The following MRPL50 variants were observed in gnomAD, a reference collection of about 807,000 sequenced individuals.
MRPL50 encodes the protein mitochondrial ribosomal protein L50, also known as large ribosomal subunit protein mL50.
Under a neutral mutation model 16.2 loss-of-function variants are expected in MRPL50, and 10 were observed. The ratio of observed to expected loss-of-function variants is 0.62; its 90% confidence interval spans 0.38 to 1.05. The LOEUF (loss-of-function observed/expected upper bound fraction) is 1.05, where lower values mean the gene tolerates loss of function less well. Ranked by LOEUF, MRPL50 falls within the 50% of genes least tolerant of loss-of-function variation. The probability of loss-of-function intolerance (pLI) is 0.01; values close to 1 mark genes in which losing one functional copy is unlikely to be tolerated. For synonymous variants in MRPL50, 68 were observed against 66.8 expected, an observed-to-expected ratio of 1.02 and a Z score of -0.09; for missense variants, 213 against 187.1, an observed-to-expected ratio of 1.14 and a Z score of -0.81.
chr9:101,393,005 C>T (rs1490359951), intron 1 of MRPL50, among the ~76,000 whole-genome samples: 1 of 152,128 alleles, frequency 6.6e-6, no homozygotes, highest in African/African-American at 2.4e-5. Flanking sequence ...TGATCATTCA[C>T]CATGATCAAG....
intron 1 of MRPL50, among the ~76,000 whole-genome samples, chr9:101,396,682 G>A (rs1211995074): frequency 2.6e-5 from 4 of 152,086 alleles, no homozygotes; most frequent in Non-Finnish European, 2.9e-5. Context: ...AGTGGCTCAC[G>A]CCTGTAATCC....
In MRPL50 at chr9:101,390,197, C is replaced by A; in HGVS notation, c.*269G>T. ...CTTGCAATGTCCTCCTGTCTTAAAC[C>A]CAAGTTGACAGTGCCCTCTCAAAAC... On this transcript the variant is annotated 3_prime_UTR_variant, in exon 2 of 2. Coordinates refer to ENST00000374865, the MANE Select transcript of MRPL50 (RefSeq NM_019051.3). 1.7e-6 allele frequency: 2 copies of A among 1,154,148 alleles called. No individual in the cohort carries two copies. The highest frequency in any genetic ancestry group is 5.0e-5 in the East Asian group (1 of 20,180). The allele number at this position is 1,154,148 out of a possible 1,614,324, so 71.5% of individuals were successfully genotyped here. A position where few individuals can be genotyped will look rare whatever the true frequency, so the allele number is the denominator to read the frequency against.
chr9:101,390,116 C>T lies in MRPL50; in HGVS notation c.*350G>A, dbSNP rs1830249937. On this transcript the variant is annotated 3_prime_UTR_variant, in exon 2 of 2. Transcript: ENST00000374865. ...GCATAACTCTATCTTAGATATGAAT[C>T]CTAACAGGATGAAAATACTTTCTTG... The T allele has an allele frequency of 9.8e-7, 1 of 1,024,680 alleles. No homozygotes were observed. Among genetic ancestry groups the T allele is most frequent in the Non-Finnish European group, 1.2e-6 (1 of 854,768 alleles). 63.5% of individuals were successfully genotyped at this position (1,024,680 alleles called of 1,614,324 possible). A position where few individuals can be genotyped will look rare whatever the true frequency, so the allele number is the denominator to read the frequency against.
chr9:101,389,871 C>T lies in MRPL50; in HGVS notation c.*595G>A. On this transcript the variant is annotated 3_prime_UTR_variant, in exon 2 of 2. Coordinates refer to ENST00000374865, the MANE Select transcript of MRPL50 (RefSeq NM_019051.3). Reference sequence around the variant, plus strand: ...AAGAGTCACAGCACTCAATATTTGGCATATATTCTAATTTTTTCAAAATTA... The same window carrying T: ...AAGAGTCACAGCACTCAATATTTGGTATATATTCTAATTTTTTCAAAATTA... 2 of 371,790 alleles carry T rather than the reference C, an allele frequency of 5.4e-6. No individual in the cohort carries two copies. Among genetic ancestry groups the T allele is most frequent in the Non-Finnish European group, 7.4e-6 (2 of 268,816 alleles). 23.0% of individuals were successfully genotyped at this position (371,790 alleles called of 1,614,324 possible). A position where few individuals can be genotyped will look rare whatever the true frequency, so the allele number is the denominator to read the frequency against.
chr9:101,398,522 C>T lies in MRPL50; in HGVS notation c.71G>A (p.Arg24Lys). ...FMWTVSGTPC[R>K]EFWSRFRKEK... ...TTACCTGAATCGAGACCAAAATTCT[C>T]TACATGGTGTCCCTGAGACTGTCCA... is the stretch of plus-strand genomic sequence containing the variant. The change falls in exon 1 of 2, where the codon AGA becomes AAA. Residue 24 changes from arginine (R) to lysine (K), a missense_variant. By Grantham distance (26) the Arg-to-Lys change is conservative. Coordinates refer to ENST00000374865, the MANE Select transcript of MRPL50 (RefSeq NM_019051.3). The T allele has an allele frequency of 6.2e-7, 1 of 1,614,138 alleles. No individual in the cohort carries two copies. The highest frequency in any genetic ancestry group is 8.5e-7 in the Non-Finnish European group (1 of 1,180,018).
Position 101,389,760 on chromosome 9 carries a change from T to G in MRPL50, c.*706A>C. 1 of 213,832 alleles carries G rather than the reference T, an allele frequency of 4.7e-6. No individual in the cohort carries two copies. The highest frequency in any genetic ancestry group is 8.9e-6 in the Non-Finnish European group (1 of 111,772). 13.2% of individuals were successfully genotyped at this position (213,832 alleles called of 1,614,324 possible). On this transcript the variant is annotated 3_prime_UTR_variant, in exon 2 of 2. Coordinates refer to ENST00000374865, the MANE Select transcript of MRPL50 (RefSeq NM_019051.3). Reference sequence around the variant, plus strand: ...ATACTCAGCACCACTTTTTAAAAGTTATAGAGAAAAAGGTTTAAAATAAGC... The same window carrying G: ...ATACTCAGCACCACTTTTTAAAAGTGATAGAGAAAAAGGTTTAAAATAAGC...
At position 101,398,565 on chromosome 9, in the gene MRPL50, T is replaced by C. The variant is rs750875650; in HGVS notation, c.28A>G (p.Thr10Ala). 7.4e-6 allele frequency: 12 copies of C among 1,613,874 alleles called. No homozygotes were observed. Among genetic ancestry groups the C allele is most frequent in the Non-Finnish European group, 1.0e-5 (12 of 1,180,044 alleles). The change falls in exon 1 of 2, where the codon ACC (threonine) becomes GCC (alanine). Residue 10 changes from threonine (T) to alanine (A), a missense_variant. Physicochemically the swap from Thr to Ala is moderately conservative, Grantham distance 58. Transcript: ENST00000374865. MAARSVSGITRRVFMWTVSG... is the reference protein window; with the variant it reads MAARSVSGIARRVFMWTVSG... The stretch of plus-strand genomic sequence containing the variant: ...ACTGTCCACATGAAGACTCTTCTGG[T>C]AATGCCCGACACAGATCGCGCCGCC...
chr9:101,397,527 C>G (rs1447028749), intron 1 of MRPL50, among the ~76,000 whole-genome samples: 2 of 152,146 alleles, frequency 1.3e-5, no homozygotes, highest in African/African-American at 4.8e-5. Flanking sequence ...ATATGCCCTA[C>G]GAGAACAAAA....
rs1830245877 is a variant in MRPL50 at position 101,389,841 on chromosome 9, T to C, written c.*625A>G. 2 of 232,622 alleles carry C rather than the reference T, an allele frequency of 8.6e-6. No homozygotes were observed. The highest frequency in any genetic ancestry group is 1.4e-5 in the Non-Finnish European group (2 of 140,540). 14.4% of individuals were successfully genotyped at this position (232,622 alleles called of 1,614,324 possible). A position where few individuals can be genotyped will look rare whatever the true frequency, so the allele number is the denominator to read the frequency against. ...GACATAGAATCTGGCACATCTCTTA[T>C]GAGGAAGAGTCACAGCACTCAATAT... On this transcript the variant is annotated 3_prime_UTR_variant, in exon 2 of 2. Coordinates refer to ENST00000374865, the MANE Select transcript of MRPL50 (RefSeq NM_019051.3).
chr9:101,396,275 A>C (rs1830338957), intron 1 of MRPL50, among the ~76,000 whole-genome samples: 1 of 152,160 alleles, frequency 6.6e-6, no homozygotes, highest in Non-Finnish European at 1.5e-5. Flanking sequence ...TATCCTAACT[A>C]TCCTAAGATC....
intron 1 of MRPL50, among the ~76,000 whole-genome samples, chr9:101,397,529 A>G (rs1217350654): frequency 3.9e-5 from 6 of 152,204 alleles, no homozygotes; most frequent in African/African-American, 1.2e-4. Context: ...ATGCCCTACG[A>G]GAACAAAAAT....
At chr9:101,393,284 T>C (rs1242387480) in intron 1 of MRPL50, among the ~76,000 whole-genome samples, 1 of 151,976 alleles carries the variant, frequency 6.6e-6, no homozygotes. Context: ...GGGAAAAAAC[T>C]CAAAGCCTTT....
rs1265798557 is a variant in MRPL50 at position 101,398,606 on chromosome 9, C to T, written c.-14G>A. On this transcript the variant is annotated 5_prime_UTR_variant, in exon 1 of 2. Coordinates refer to ENST00000374865, the MANE Select transcript of MRPL50 (RefSeq NM_019051.3). ...TCGCGCCGCCATCTTCGATGAGATC[C>T]ACGGGCCTGAGCGCAGCCTTCAGCC... is the stretch of plus-strand genomic sequence containing the variant. 3.7e-6 allele frequency: 6 copies of T among 1,612,598 alleles called. No individual in the cohort carries two copies. Among genetic ancestry groups the T allele is most frequent in the Non-Finnish European group, 4.2e-6 (5 of 1,179,860 alleles).
intron 1 of MRPL50, among the ~76,000 whole-genome samples, chr9:101,391,734 G>T (rs1406186161): frequency 6.6e-6 from 1 of 151,918 alleles, no homozygotes; most frequent in Non-Finnish European, 1.5e-5. Flanking sequence ...ATACATTAAT[G>T]GTTGTGGATT....
In MRPL50 at chr9:101,395,419, T is replaced by C. The variant is rs1417015634; in HGVS notation, c.92+3082A>G. Among the ~76,000 whole-genome samples the C allele has an allele frequency of 2.0e-5, 3 of 152,184 alleles. 1 individual carries two copies. Among genetic ancestry groups the C allele is most frequent in the African/African-American group, 7.2e-5 (3 of 41,446 alleles). On this transcript the variant is annotated intron_variant, in intron 1 of 1. Coordinates refer to ENST00000374865, the MANE Select transcript of MRPL50 (RefSeq NM_019051.3). ...GATCTGGCAATCCCACTGCTGGGTATACATCCAAAAGAAAGTTAATCAGTC... is the reference window on the plus strand; with the variant it reads ...GATCTGGCAATCCCACTGCTGGGTACACATCCAAAAGAAAGTTAATCAGTC...
At chr9:101,398,369 C>T (rs1049512322) in intron 1 of MRPL50, 132 bp downstream of exon 1, 2 of 784,208 alleles carry the variant, frequency 2.6e-6, no homozygotes, top group East Asian at 2.6e-5. Context: ...AACTCGGGAC[C>T]CTAACCGGAC....
At position 101,390,381 on chromosome 9, in the gene MRPL50, C is replaced by T. The variant is rs1285067960; in HGVS notation, c.*85G>A. The T allele has an allele frequency of 1.3e-5, 20 of 1,519,326 alleles. No individual in the cohort carries two copies. Among genetic ancestry groups the T allele is most frequent in the Non-Finnish European group, 1.8e-5 (20 of 1,137,194 alleles). The allele number at this position is 1,519,326 out of a possible 1,614,324, so 94.1% of individuals were successfully genotyped here. ...AGAGAACAGTTCTGGTAGTATTTCA[C>T]ATGGTAAAGTATCAAAAGATCTAAT... is the stretch of plus-strand genomic sequence containing the variant. On this transcript the variant is annotated 3_prime_UTR_variant, in exon 2 of 2. Transcript: ENST00000374865.
At chr9:101,393,290 C>T (rs1000159952) in intron 1 of MRPL50, among the ~76,000 whole-genome samples, 1 of 152,056 alleles carries the variant, frequency 6.6e-6, no homozygotes, top group Non-Finnish European at 1.5e-5. Flanking sequence ...AAACTCAAAG[C>T]CTTTCCTCTA....
chr9:101,394,499 T>C (rs1050062370), intron 1 of MRPL50, among the ~76,000 whole-genome samples: 2 of 152,128 alleles, frequency 1.3e-5, no homozygotes, highest in African/African-American at 2.4e-5. Context: ...CCTAGGCCCC[T>C]ACCTGCCAAA....
Sources: gnomAD v4.1 joint callset for allele counts (sites outside exome capture counted in the v4.1 genomes callset) on GRCh38, gnomAD v4.1.1 for gene constraint, MANE v1.5 for transcripts, NCBI Gene and HGNC (gene_info 2026-07-23, HGNC 2026-07-21) for gene names.